The following MAGEC3 variants were observed in gnomAD, a reference collection of about 807,000 sequenced individuals.
MAGEC3 encodes melanoma-associated antigen C3.
MAGEC3 carries 34 observed loss-of-function variants against 35.3 expected under a neutral mutation model. The observed-to-expected ratio is 0.96, with a 90% CI of 0.73 to 1.28. The LOEUF is 1.28. Among genes scored for constraint, MAGEC3 ranks in the 50% most tolerant of loss-of-function variants. The pLI, the probability that MAGEC3 is intolerant of heterozygous loss-of-function variation, is 0.00. For missense variants in MAGEC3, 561 were observed against 483.6 expected (o/e 1.16, Z -1.50); for synonymous variants, 202 against 185.6 (o/e 1.09, Z -0.72).
chrX:141,853,095 C>A (rs2017760843), intron 1 of MAGEC3, among the ~76,000 whole-genome samples: 1 of 111,125 alleles, frequency 9.0e-6, no homozygotes, highest in South Asian at 3.7e-4. Context: ...TATTACAGGT[C>A]TATTCAGATT....
intron 1 of MAGEC3, among the ~76,000 whole-genome samples, chrX:141,846,191 T>G (rs1300856846): frequency 1.9e-5 from 2 of 103,832 alleles, no homozygotes; most frequent in African/African-American, 7.2e-5. Flanking sequence ...AAATTCTTGT[T>G]GCTTCCTCAC....
chrX:141,879,977 A>C (rs749903328), intron 3 of MAGEC3, among the ~76,000 whole-genome samples: 1 of 110,913 alleles, frequency 9.0e-6, no homozygotes, highest in African/African-American at 3.3e-5. Context: ...CAGAGGACAG[A>C]CTCCCAGAGA....
intron 1 of MAGEC3, among the ~76,000 whole-genome samples, chrX:141,863,189 T>C (rs1323398958): frequency 1.8e-5 from 2 of 111,730 alleles, no homozygotes; most frequent in African/African-American, 6.5e-5. Context: ...TTTTAAAAAA[T>C]TATTTATAAA....
intron 1 of MAGEC3, among the ~76,000 whole-genome samples, chrX:141,846,576 A>C (rs1603052491): frequency 1.8e-5 from 2 of 111,016 alleles, no homozygotes; most frequent in Non-Finnish European, 3.8e-5. Context: ...ACTCATTTTA[A>C]TTATTTATTG....
In MAGEC3 at chrX:141,865,483, G is replaced by A. The variant is rs978641576; in HGVS notation, c.136G>A (p.Ala46Thr). The A allele has an allele frequency of 1.3e-5, 16 of 1,206,776 alleles. No homozygotes were observed. The highest frequency in any genetic ancestry group is 1.6e-5 in the Non-Finnish European group (14 of 893,667). The change falls in exon 2 of 8, where the codon GCC becomes ACC. Residue 46 changes from alanine (A) to threonine (T), a missense_variant. Coordinates refer to ENST00000298296, the MANE Select transcript of MAGEC3 (RefSeq NM_138702.1). The part of the protein sequence containing the change: ...LPPQPQPRKK[A>T]TDKDYSAFHL... ...TTGACCTGAGTAGCCCCGGAAAAAGGCCACAGATAAGGACTATTCTGCCTT... is the reference window on the plus strand; with the variant it reads ...TTGACCTGAGTAGCCCCGGAAAAAGACCACAGATAAGGACTATTCTGCCTT...
At chrX:141,863,498 A>G (rs968307657) in intron 1 of MAGEC3, among the ~76,000 whole-genome samples, 8 of 112,089 alleles carry the variant, frequency 7.1e-5, no homozygotes, top group Non-Finnish European at 1.5e-4. Flanking sequence ...ATTAACATAC[A>G]TTCATCAATT....
chrX:141,839,435 C>A, intron 1 of MAGEC3: 1 of 745,585 alleles, frequency 1.3e-6, no homozygotes, highest in East Asian at 1.5e-4. Context: ...TGGAGAAGAA[C>A]GGAGCAAAAT....
chrX:141,878,936 C>T (rs2035431990), intron 2 of MAGEC3, among the ~76,000 whole-genome samples: 1 of 112,101 alleles, frequency 8.9e-6, no homozygotes, highest in African/African-American at 3.2e-5. Flanking sequence ...AAAAGGACAC[C>T]AGAGTCCTGC....
chrX:141,881,858 G>C, intron 4 of MAGEC3, 62 bp downstream of exon 4: 3 of 1,178,785 alleles, frequency 2.5e-6, no homozygotes, highest in Non-Finnish European at 3.5e-6. Context: ...ACTAAAGTTT[G>C]AGTGCAGGGA....
chrX:141,887,272 A>G (rs1461295126), intron 4 of MAGEC3, among the ~76,000 whole-genome samples: 1 of 112,448 alleles, frequency 8.9e-6, no homozygotes, highest in Non-Finnish European at 1.9e-5. Flanking sequence ...TAATCTTATT[A>G]GGAGAGACCT....
In MAGEC3 at chrX:141,881,943, T is replaced by C; in HGVS notation, c.909+147T>C. On this transcript the variant is annotated intron_variant, in intron 4 of 7. Transcript: ENST00000298296. Reference sequence around the variant, plus strand: ...AATTCCTGTGGGGTCCTAGAGCCCATTCAGAAACTAGCAAGAGGAAAGTAG... The same window carrying C: ...AATTCCTGTGGGGTCCTAGAGCCCACTCAGAAACTAGCAAGAGGAAAGTAG... 3.7e-6 allele frequency: 3 copies of C among 808,541 alleles called. No homozygotes were observed. The South Asian group carries it at 7.3e-5, about 20-fold the overall frequency. The allele number at this position is 808,541 out of a possible 1,213,427, so 66.6% of individuals were successfully genotyped here.
chrX:141,879,432 G>A lies in MAGEC3; in HGVS notation c.515+1G>A, dbSNP rs752384342. The A allele has an allele frequency of 1.0e-5, 12 of 1,171,449 alleles. No homozygotes were observed. Among genetic ancestry groups the A allele is most frequent in the African/African-American group, 1.8e-5 (1 of 55,601 alleles). ...GGTTGTGGGGGGAGAAAGCGGGGAG[G>A]TGGGCAGGGAAATATGGACGAGGGC... On this transcript the variant is annotated splice_donor_variant, in intron 3 of 7. Coordinates refer to ENST00000298296, the MANE Select transcript of MAGEC3 (RefSeq NM_138702.1). LOFTEE classifies it high-confidence loss of function.
At chrX:141,863,182 T>A (rs1287681348) in intron 1 of MAGEC3, among the ~76,000 whole-genome samples, 1 of 112,052 alleles carries the variant, frequency 8.9e-6, no homozygotes, top group Non-Finnish European at 1.9e-5. Flanking sequence ...TTGTTTATTT[T>A]AAAAAATTAT....
intron 2 of MAGEC3, among the ~76,000 whole-genome samples, 167 bp from the exon 3 acceptor site, chrX:141,879,008 G>A (rs1420160050): frequency 8.9e-6 from 1 of 112,238 alleles, no homozygotes; most frequent in East Asian, 2.8e-4. Flanking sequence ...CTTGCACCTT[G>A]CAGGTCTCAG....
chrX:141,896,622 G>A (rs765771140), intron 6 of MAGEC3: 31 of 1,196,725 alleles, frequency 2.6e-5, no homozygotes, highest in Middle Eastern at 2.3e-4. Flanking sequence ...CTGCTCACAC[G>A]TTTACCTGCT....
chrX:141,846,348 G>C (rs1266909862), intron 1 of MAGEC3, among the ~76,000 whole-genome samples: 1 of 109,991 alleles, frequency 9.1e-6, no homozygotes, highest in South Asian at 3.9e-4. Flanking sequence ...TGGCCTAAGA[G>C]GGGGAGTGGG....
intron 2 of MAGEC3, among the ~76,000 whole-genome samples, chrX:141,869,405 G>A (rs2017873351): frequency 1.8e-5 from 2 of 112,221 alleles, no homozygotes; most frequent in Admixed American, 1.9e-4. Flanking sequence ...CACTTTACAG[G>A]AGTATACTTT....
intron 2 of MAGEC3, among the ~76,000 whole-genome samples, chrX:141,870,587 G>T (rs1018873307): frequency 1.9e-4 from 21 of 111,414 alleles, no homozygotes; most frequent in Admixed American, 9.5e-4. Flanking sequence ...TTATTCTTAA[G>T]AAAAATGTGT....
chrX:141,838,934 G>C, intron 1 of MAGEC3: 1 of 647,947 alleles, frequency 1.5e-6, no homozygotes, highest in Non-Finnish European at 1.8e-6. Flanking sequence ...ATGGTACTTT[G>C]TTGTAGCTGC....
Sources: allele counts gnomAD v4.1 joint callset (sites outside exome capture counted in the v4.1 genomes callset), GRCh38; gene constraint gnomAD v4.1.1; transcripts MANE v1.5; gene names NCBI Gene and HGNC (gene_info 2026-07-23, HGNC 2026-07-21).